KHDRBS3: variants seen among roughly 807,000 people sequenced by gnomAD.
The protein encoded by KHDRBS3 is KH domain-containing, RNA-binding, signal transduction-associated protein 3.
KHDRBS3 carries 23 observed loss-of-function variants against 45.6 expected under a neutral mutation model. The ratio of observed to expected loss-of-function variants is 0.50; its 90% CI spans 0.36 to 0.72. The LOEUF is 0.72. KHDRBS3 is among the 30% of genes least tolerant of loss of function. The pLI is 0.00. For missense variants in KHDRBS3, 352 were observed against 424.8 expected, an observed-to-expected ratio of 0.83 and a Z score of 1.51; for synonymous variants, 162 against 156.5, an observed-to-expected ratio of 1.04 and a Z score of -0.26.
At chr8:135,614,586 A>T (rs1461066145) in intron 7 of KHDRBS3, among the ~76,000 whole-genome samples, 1 of 151,808 alleles carries the variant, frequency 6.6e-6, no homozygotes, top group African/African-American at 2.4e-5. Flanking sequence ...AGCATTATAA[A>T]CTGTCAACAA....
intron 6 of KHDRBS3, among the ~76,000 whole-genome samples, chr8:135,585,452 G>A (rs73712078): frequency 7.2e-5 from 11 of 152,118 alleles, no homozygotes; most frequent in African/African-American, 2.6e-4. Context: ...CATGAGGGTA[G>A]GCACTCTCCC....
chr8:135,622,007 C>T (rs866553624), intron 7 of KHDRBS3, among the ~76,000 whole-genome samples: 13 of 152,226 alleles, frequency 8.5e-5, no homozygotes, highest in African/African-American at 2.2e-4. Context: ...CTGTTGCTTG[C>T]CCCACCTCCA....
chr8:135,463,035 C>T (rs544870807), intron 1 of KHDRBS3, among the ~76,000 whole-genome samples: 1 of 152,156 alleles, frequency 6.6e-6, no homozygotes, highest in South Asian at 2.1e-4. Flanking sequence ...AGTCCTCTGA[C>T]CTTTTTCAAA....
At chr8:135,598,922 C>T (rs1339298898) in intron 6 of KHDRBS3, among the ~76,000 whole-genome samples, 3 of 152,144 alleles carry the variant, frequency 2.0e-5, no homozygotes, top group Non-Finnish European at 4.4e-5. Flanking sequence ...TAAAATGACT[C>T]AAAACTGAAA....
intron 1 of KHDRBS3, among the ~76,000 whole-genome samples, chr8:135,481,709 C>T (rs1029006082): frequency 5.3e-5 from 8 of 152,140 alleles, no homozygotes; most frequent in Admixed American, 2.6e-4. Flanking sequence ...CGTCGACTAA[C>T]GTTGTCAAAT....
At chr8:135,602,852 C>T (rs1478999497) in intron 6 of KHDRBS3, among the ~76,000 whole-genome samples, 6 of 152,078 alleles carry the variant, frequency 3.9e-5, no homozygotes, top group Non-Finnish European at 5.9e-5. Flanking sequence ...TTAACTTGGT[C>T]CTTCATGAGC....
chr8:135,550,023 TAAAA>T (rs1826507546), intron 4 of KHDRBS3: 1 of 152,164 alleles, frequency 6.6e-6, no homozygotes, highest in African/African-American at 2.4e-5. Context: ...TGTGAACTAA[TAAAA>T]TACATGATCC....
At chr8:135,538,332 GAAAC>G (rs1825875967) in intron 2 of KHDRBS3, among the ~76,000 whole-genome samples, 1 of 152,134 alleles carries the variant, frequency 6.6e-6, no homozygotes, top group African/African-American at 2.4e-5. Flanking sequence ...TTGACCAGTG[GAAAC>G]AAACAGTTCA....
chr8:135,569,810 T>C (rs1440097329), intron 5 of KHDRBS3, among the ~76,000 whole-genome samples: 1 of 152,144 alleles, frequency 6.6e-6, no homozygotes, highest in Non-Finnish European at 1.5e-5. Context: ...GAGGCCTTGC[T>C]CAGTGCGGAG....
At chr8:135,651,839 G>A (rs1831437660), downstream of KHDRBS3, among the ~76,000 whole-genome samples, 1 of 152,106 alleles carries the variant, frequency 6.6e-6, no homozygotes, top group African/African-American at 2.4e-5. Flanking sequence ...AACAGGCAGT[G>A]TTAGGAACGG....
intron 7 of KHDRBS3, among the ~76,000 whole-genome samples, chr8:135,634,513 GT>G (rs1222860321): frequency 6.6e-6 from 1 of 152,180 alleles, no homozygotes; most frequent in Non-Finnish European, 1.5e-5. Context: ...TCAAATGAAT[GT>G]GATTTTTAAT....
intron 7 of KHDRBS3, among the ~76,000 whole-genome samples, chr8:135,626,265 A>C (rs1255318493): frequency 6.6e-6 from 1 of 152,216 alleles, no homozygotes; most frequent in African/African-American, 2.4e-5. Context: ...AATAAATCCT[A>C]AAGTCTAATT....
rs1491256544 is a variant in KHDRBS3 at position 135,536,262 on chromosome 8, T to TTTTA, written c.208-6392_208-6391insTTTA. On this transcript the variant is annotated intron_variant, in intron 2 of 8. Transcript: ENST00000355849. ...TTTTTTTTTTTTTTTTTTTTTTTTTTATTATTGTTTAAAAGGTGGATGTGA... is the reference window on the plus strand; with the variant it reads ...TTTTTTTTTTTTTTTTTTTTTTTTTTTTTAATTATTGTTTAAAAGGTGGATGTGA... Among the ~76,000 whole-genome samples, 296 of 98,760 alleles carry TTTTA rather than the reference T, an allele frequency of 3.0e-3. 1 individual carries two copies. The highest frequency in any genetic ancestry group is 8.3e-3 in the African/African-American group (243 of 29,264). 64.8% of individuals were successfully genotyped at this position (98,760 alleles called of 152,430 possible).
intron 1 of KHDRBS3, among the ~76,000 whole-genome samples, chr8:135,481,007 G>A (rs961215371): frequency 5.3e-5 from 8 of 151,748 alleles, no homozygotes; most frequent in Non-Finnish European, 1.2e-4. Flanking sequence ...CCCTTTTCAG[G>A]TTTGCAGTTT....
chr8:135,638,967 C>CAAA (rs35677198), intron 7 of KHDRBS3, among the ~76,000 whole-genome samples: 3 of 92,274 alleles, frequency 3.3e-5, no homozygotes, highest in Non-Finnish European at 4.4e-5. Flanking sequence ...GACTCCGTCT[C>CAAA]AAAAAAAAAA....
chr8:135,643,704 C>T (rs1432445292), intron 7 of KHDRBS3, among the ~76,000 whole-genome samples: 1 of 152,218 alleles, frequency 6.6e-6, no homozygotes, highest in African/African-American at 2.4e-5. Flanking sequence ...GGGAAAAACT[C>T]CGTGTGGTTG....
chr8:135,574,334 TA>T (rs1398989948), intron 5 of KHDRBS3, among the ~76,000 whole-genome samples: 2 of 152,164 alleles, frequency 1.3e-5, no homozygotes, highest in Non-Finnish European at 2.9e-5. Flanking sequence ...TTTCAGCACC[TA>T]AAAAACTAAT....
chr8:135,515,941 C>T (rs958879865), intron 1 of KHDRBS3, among the ~76,000 whole-genome samples: 6 of 152,164 alleles, frequency 3.9e-5, no homozygotes, highest in Admixed American at 3.3e-4. Context: ...AATGTGTGTT[C>T]TGAGGAATGC....
intron 5 of KHDRBS3, among the ~76,000 whole-genome samples, chr8:135,570,943 C>T (rs1290477862): frequency 1.3e-5 from 2 of 152,122 alleles, no homozygotes; most frequent in East Asian, 3.8e-4. Context: ...AGACAAAAAG[C>T]GGAAAATCTT....
Sources: gnomAD v4.1 joint callset for allele counts (sites outside exome capture counted in the v4.1 genomes callset) on GRCh38, gnomAD v4.1.1 for gene constraint, MANE v1.5 for transcripts, NCBI Gene and HGNC (gene_info 2026-07-23, HGNC 2026-07-21) for gene names.